The following PTPN13 variants were observed in gnomAD, a reference collection of about 807,000 sequenced individuals.
The protein encoded by PTPN13 is tyrosine-protein phosphatase non-receptor type 13.
In PTPN13, 191 loss-of-function variants were observed where a neutral mutation model predicts 284.0. That is an observed-to-expected ratio of 0.67 (90% CI 0.60 to 0.76). PTPN13 has a LOEUF of 0.76. PTPN13 is among the 30% of genes least tolerant of loss of function. PTPN13 has a pLI of 0.00. For missense variants in PTPN13, 2,797 were observed against 2,939.9 expected, an observed-to-expected ratio of 0.95 and a Z score of 1.12; for synonymous variants, 986 against 1,022.3, an observed-to-expected ratio of 0.96 and a Z score of 0.68.
chr4:86,641,243 T>C (rs1184462781), intron 2 of PTPN13, among the ~76,000 whole-genome samples: 1 of 152,150 alleles, frequency 6.6e-6, no homozygotes, highest in Non-Finnish European at 1.5e-5. Flanking sequence ...TGCATAACAC[T>C]GGGAGTGGCG....
chr4:86,807,112 T>C (rs1346017106), intron 44 of PTPN13, among the ~76,000 whole-genome samples: 2 of 152,156 alleles, frequency 1.3e-5, no homozygotes, highest in African/African-American at 4.8e-5. Context: ...ACTTTAATAG[T>C]GTTATTGTAA....
rs1737571774 is a variant in PTPN13, at chr4:86,753,067, T to A, written c.3223+2T>A. On this transcript the variant is annotated splice_donor_variant, in intron 20 of 47. Transcript: ENST00000411767. LOFTEE classifies it high-confidence loss of function. ...CCCAAGTACCCTTAAAAGAAAATGG[T>A]AGGTTTACAAAATGTTTTTCCCCTC... The A allele has an allele frequency of 5.6e-6, 9 of 1,601,942 alleles. No individual in the cohort carries two copies. Among genetic ancestry groups the A allele is most frequent in the Non-Finnish European group, 6.8e-6 (8 of 1,170,722 alleles).
chr4:86,805,232 G>T, intron 43 of PTPN13, 47 bp from the exon 44 acceptor site: 2 of 1,286,188 alleles, frequency 1.6e-6, no homozygotes, highest in South Asian at 1.4e-5. Flanking sequence ...AGTTATTACT[G>T]AATTACTGCT....
intron 1 of PTPN13, among the ~76,000 whole-genome samples, chr4:86,609,247 T>C (rs1765056169): frequency 6.6e-6 from 1 of 152,210 alleles, no homozygotes; most frequent in South Asian, 2.1e-4. Flanking sequence ...AATTCTTTTA[T>C]TAAGTAAACA....
Position 86,771,406 on chromosome 4 carries a change from A to C in PTPN13, c.5039A>C (p.His1680Pro), listed in dbSNP as rs766033514. 1.3e-5 allele frequency: 21 copies of C among 1,566,910 alleles called. No individual in the cohort carries two copies. In the South Asian group the frequency reaches 2.5e-4, roughly 18 times the overall value. The stretch of plus-strand genomic sequence containing the variant: ...AATTCGACCTGGAGTTCAGCTTTGC[A>C]TCAGACTCTAAGCAACATGGTATCA... ...ISNSTWSSALHQTLSNMVSQA... is the reference protein window; with the variant it reads ...ISNSTWSSALPQTLSNMVSQA... Residue 1680 changes from histidine (H) to proline (P), a missense_variant, in exon 31 of 48, where the codon CAT becomes CCT. By Grantham distance (77) the His-to-Pro change is moderately conservative (BLOSUM62 -2). Transcript: ENST00000411767.
intron 40 of PTPN13, among the ~76,000 whole-genome samples, chr4:86,788,994 T>A (rs1047712290): frequency 2.6e-5 from 4 of 152,180 alleles, no homozygotes; most frequent in Non-Finnish European, 2.9e-5. Context: ...TAAAGGTATT[T>A]GATAGTTAAG....
At chr4:86,794,351 G>A (rs1334911203) in intron 40 of PTPN13, among the ~76,000 whole-genome samples, 1 of 152,020 alleles carries the variant, frequency 6.6e-6, no homozygotes, top group Non-Finnish European at 1.5e-5. Flanking sequence ...GGATGTGAAG[G>A]ACCTCTTCAA....
chr4:86,690,742 AT>A (rs144556149), intron 5 of PTPN13, among the ~76,000 whole-genome samples: 6,431 of 151,922 alleles, frequency 0.042, 187 homozygotes, highest in Non-Finnish European at 0.05. Context: ...TGAATGAAGA[AT>A]TTTTTTTCTG....
At chr4:86,737,287 T>A (rs1048850235) in intron 15 of PTPN13, among the ~76,000 whole-genome samples, 4 of 151,592 alleles carry the variant, frequency 2.6e-5, no homozygotes, top group Non-Finnish European at 4.4e-5. Flanking sequence ...AGTAAAAAAT[T>A]AGTATAATAA....
In PTPN13 at chr4:86,775,194, T is replaced by C; in HGVS notation, c.5532T>C (p.Asn1844=). ...LIKVNDTDVT[N]MTHTDAVNLL... ...AGGTTAATGATACAGATGTTACTAA[T>C]ATGACTCATACAGATGCAGTTAATC... The change falls in exon 34 of 48, where the codon AAT becomes AAC. Residue 1844 remains asparagine, a synonymous_variant. Transcript: ENST00000411767. 6.2e-7 allele frequency: 1 copy of C among 1,607,544 alleles called. No homozygotes were observed. The highest frequency in any genetic ancestry group is 8.5e-7 in the Non-Finnish European group (1 of 1,177,982).
chr4:86,677,980 G>T (rs1424925401), intron 3 of PTPN13, among the ~76,000 whole-genome samples: 1 of 152,158 alleles, frequency 6.6e-6, no homozygotes, highest in Non-Finnish European at 1.5e-5. Flanking sequence ...TTTGCAGTTG[G>T]TGGGTCTCCC....
intron 42 of PTPN13, among the ~76,000 whole-genome samples, chr4:86,803,237 G>GTA (rs893360705): frequency 1.1e-4 from 16 of 149,548 alleles, no homozygotes; most frequent in African/African-American, 2.7e-4. Flanking sequence ...TATTTATTGT[G>GTA]TATATATATA....
intron 1 of PTPN13, among the ~76,000 whole-genome samples, chr4:86,634,087 A>G (rs758244728): frequency 6.6e-6 from 1 of 152,202 alleles, no homozygotes; most frequent in Non-Finnish European, 1.5e-5. Context: ...TGCTTTTTTC[A>G]GTCAGGATTA....
intron 1 of PTPN13, among the ~76,000 whole-genome samples, chr4:86,621,400 T>C (rs1270394213): frequency 2.0e-5 from 3 of 152,232 alleles, no homozygotes; most frequent in East Asian, 1.9e-4. Context: ...GACTTTCTTA[T>C]AGAGTTAACC....
chr4:86,614,055 G>A (rs534634239), intron 1 of PTPN13, among the ~76,000 whole-genome samples: 17 of 152,276 alleles, frequency 1.1e-4, no homozygotes, highest in Non-Finnish European at 2.4e-4. Flanking sequence ...AAGGGGCTCA[G>A]AGATACATAG....
At chr4:86,718,557 TCTC>T (rs1461429244) in intron 9 of PTPN13, among the ~76,000 whole-genome samples, 3 of 152,004 alleles carry the variant, frequency 2.0e-5, no homozygotes, top group African/African-American at 7.2e-5. Context: ...TTCAAGCAGT[TCTC>T]CTGCCTCAGC....
At chr4:86,622,087 G>A (rs539676487) in intron 1 of PTPN13, among the ~76,000 whole-genome samples, 1 of 152,236 alleles carries the variant, frequency 6.6e-6, no homozygotes, top group South Asian at 2.1e-4. Context: ...GGTCATTTGA[G>A]TTATCATTAC....
At chr4:86,737,970 C>G (rs1407656957) in intron 15 of PTPN13, among the ~76,000 whole-genome samples, 3 of 152,164 alleles carry the variant, frequency 2.0e-5, no homozygotes, top group Non-Finnish European at 4.4e-5. Context: ...CCTTGTGATC[C>G]GCCCACCTTG....
At chr4:86,626,330 A>C (rs1350760850) in intron 1 of PTPN13, among the ~76,000 whole-genome samples, 2 of 152,188 alleles carry the variant, frequency 1.3e-5, no homozygotes, top group Non-Finnish European at 2.9e-5. Context: ...CAGGGAAAGC[A>C]TAATGGAAAA....
Sources: gnomAD v4.1 joint callset for allele counts (sites outside exome capture counted in the v4.1 genomes callset) on GRCh38, gnomAD v4.1.1 for gene constraint, MANE v1.5 for transcripts, NCBI Gene and HGNC (gene_info 2026-07-23, HGNC 2026-07-21) for gene names.